Variants in LRP1B observed in about 807,000 individuals in gnomAD.
The protein encoded by LRP1B is LDL receptor related protein 1B, also known as low-density lipoprotein receptor-related protein 1B.
LRP1B carries 217 observed loss-of-function variants against 556.6 expected under a neutral mutation model. That is an observed-to-expected ratio of 0.39 (90% CI 0.35 to 0.44). The LOEUF is 0.44. LRP1B is among the 20% of genes least tolerant of loss of function. LRP1B has a pLI of 1.00. For missense variants in LRP1B, 5,053 were observed against 5,620.8 expected (o/e 0.90, Z 3.23); for synonymous variants, 2,047 against 1,865.8 (o/e 1.10, Z -2.50).
chr2:141,867,245 C>T (rs985326032), intron 1 of LRP1B, among the ~76,000 whole-genome samples: 4 of 151,950 alleles, frequency 2.6e-5, no homozygotes, highest in African/African-American at 7.3e-5. Flanking sequence ...AAACTTATTT[C>T]GCATCTTTGA....
At chr2:141,406,060 C>T (rs887637777) in intron 3 of LRP1B, among the ~76,000 whole-genome samples, 2 of 151,898 alleles carry the variant, frequency 1.3e-5, no homozygotes, top group Non-Finnish European at 2.9e-5. Context: ...GTTTATTAGC[C>T]TTCTTATAAG....
chr2:141,920,286 G>A (rs553405475), intron 1 of LRP1B, among the ~76,000 whole-genome samples: 3 of 133,440 alleles, frequency 2.2e-5, no homozygotes, highest in African/African-American at 2.8e-5. Flanking sequence ...TTTTGGGGGG[G>A]GGTGGTAGGG....
intron 2 of LRP1B, among the ~76,000 whole-genome samples, chr2:141,569,162 C>T (rs113567894): frequency 6.6e-6 from 1 of 150,888 alleles, no homozygotes; most frequent in Non-Finnish European, 1.5e-5. Context: ...CAAATCTCAC[C>T]TCAATAGGAG....
At chr2:141,951,191 C>T (rs1420461050) in intron 1 of LRP1B, among the ~76,000 whole-genome samples, 1 of 151,988 alleles carries the variant, frequency 6.6e-6, no homozygotes, top group Non-Finnish European at 1.5e-5. Flanking sequence ...TTTTAAATCA[C>T]TATTTTTTAT....
chr2:141,337,298 T>C (rs1460456427), intron 3 of LRP1B, among the ~76,000 whole-genome samples: 8 of 152,238 alleles, frequency 5.3e-5, no homozygotes, highest in Non-Finnish European at 1.2e-4. Flanking sequence ...TAGTTGACAA[T>C]GTTGAATATC....
At chr2:141,099,778 A>G (rs1700413741) in intron 7 of LRP1B, among the ~76,000 whole-genome samples, 1 of 152,218 alleles carries the variant, frequency 6.6e-6, no homozygotes, top group Admixed American at 6.5e-5. Flanking sequence ...AACTAAATAT[A>G]GGAAATCTGG....
intron 7 of LRP1B, among the ~76,000 whole-genome samples, chr2:141,079,812 T>C (rs1014814054): frequency 6.6e-6 from 1 of 152,224 alleles, no homozygotes; most frequent in Non-Finnish European, 1.5e-5. Flanking sequence ...ATTAGGTTGG[T>C]GCAAAAGTAA....
chr2:141,711,256 T>C (rs1407815662), intron 2 of LRP1B, among the ~76,000 whole-genome samples: 3 of 152,164 alleles, frequency 2.0e-5, no homozygotes, highest in Non-Finnish European at 2.9e-5. Context: ...GCAGGTAGCA[T>C]ACATCTGACT....
chr2:141,994,246 T>C (rs1702425597), intron 1 of LRP1B, among the ~76,000 whole-genome samples: 1 of 152,186 alleles, frequency 6.6e-6, no homozygotes, highest in Admixed American at 6.5e-5. Context: ...GTTAATGTAA[T>C]AGTGGCCAGC....
chr2:142,095,003 T>G (rs757748237), intron 1 of LRP1B, among the ~76,000 whole-genome samples: 26 of 151,878 alleles, frequency 1.7e-4, no homozygotes, highest in Admixed American at 1.2e-3. Flanking sequence ...AGCATCTATG[T>G]GAATTAACCA....
chr2:141,770,185 T>C (rs1247914459), intron 2 of LRP1B, among the ~76,000 whole-genome samples: 1 of 152,168 alleles, frequency 6.6e-6, no homozygotes, highest in South Asian at 2.1e-4. Flanking sequence ...AATAGCTCTG[T>C]GCATATAGAC....
At chr2:140,348,463 A>G (rs940286402) in intron 77 of LRP1B, among the ~76,000 whole-genome samples, 2 of 151,710 alleles carry the variant, frequency 1.3e-5, no homozygotes, top group African/African-American at 4.8e-5. Context: ...GTTATGATGG[A>G]CTCCTTAGTA....
chr2:141,824,205 A>G (rs2105734625), intron 1 of LRP1B, among the ~76,000 whole-genome samples: 1 of 152,320 alleles, frequency 6.6e-6, no homozygotes. Context: ...CACATGCTAA[A>G]TTAAACAATT....
At chr2:141,037,060 G>A (rs770763510) in intron 11 of LRP1B, among the ~76,000 whole-genome samples, 1 of 151,950 alleles carries the variant, frequency 6.6e-6, no homozygotes, top group Non-Finnish European at 1.5e-5. Context: ...CTTCCACTTA[G>A]TAACAGGTCA....
chr2:140,949,477 A>G (rs1307793285), intron 20 of LRP1B, among the ~76,000 whole-genome samples: 1 of 152,086 alleles, frequency 6.6e-6, no homozygotes, highest in Non-Finnish European at 1.5e-5. Context: ...CTTAGCTTGT[A>G]CTCTAGAAAG....
At chr2:140,359,695 C>T (rs1682416674) in intron 72 of LRP1B, among the ~76,000 whole-genome samples, 1 of 151,574 alleles carries the variant, frequency 6.6e-6, no homozygotes, top group Non-Finnish European at 1.5e-5. Context: ...TGTTTATTCA[C>T]TCTCATTGAT....
intron 3 of LRP1B, among the ~76,000 whole-genome samples, chr2:141,283,887 A>G (rs1215209248): frequency 6.6e-6 from 1 of 152,158 alleles, no homozygotes; most frequent in Non-Finnish European, 1.5e-5. Flanking sequence ...GGTATTTTAT[A>G]ATTGTGGACA....
At chr2:141,647,029 A>T (rs1211625434) in intron 2 of LRP1B, among the ~76,000 whole-genome samples, 1 of 152,102 alleles carries the variant, frequency 6.6e-6, no homozygotes, top group African/African-American at 2.4e-5. Context: ...TATGGCTGGT[A>T]AGACTTCAAA....
chr2:140,927,922 T>C (rs1014797663), intron 20 of LRP1B, among the ~76,000 whole-genome samples: 1 of 151,944 alleles, frequency 6.6e-6, no homozygotes, highest in Non-Finnish European at 1.5e-5. Context: ...ATTTTTTGTA[T>C]TTTTGTAGAG....
Sources: allele counts gnomAD v4.1 joint callset (sites outside exome capture counted in the v4.1 genomes callset), GRCh38; gene constraint gnomAD v4.1.1; transcripts MANE v1.5; gene names NCBI Gene and HGNC (gene_info 2026-07-23, HGNC 2026-07-21).